Variants in DCDC2C observed in about 807,000 individuals in gnomAD.
DCDC2C encodes the protein doublecortin domain containing 2C, also known as doublecortin domain-containing protein 2C.
A neutral mutation model predicts 45.0 loss-of-function variants in DCDC2C; 44 were observed. That is an observed-to-expected ratio of 0.98 (90% confidence interval 0.77 to 1.26). DCDC2C has a LOEUF of 1.26. Among genes scored for constraint, DCDC2C ranks in the 50% most tolerant of loss-of-function variants. The pLI is 0.00. For synonymous variants in DCDC2C, 187 were observed against 178.8 expected (o/e 1.05, Z -0.37); for missense variants, 447 against 468.9 (o/e 0.95, Z 0.43).
chr2:3,752,976 G>GCTGAACTGGACCTATTTGGGA, intron 5 of DCDC2C, 76 bp downstream of exon 5: 1 of 1,430,430 alleles, frequency 7.0e-7, no homozygotes, highest in Non-Finnish European at 9.4e-7. Context: ...CTCCCAAATA[G>GCTGAACTGGACCTATTTGGGA]GTCCAGTTCA....
At chr2:3,790,927 C>T (rs1462755006) in intron 10 of DCDC2C, among the ~76,000 whole-genome samples, 4 of 151,842 alleles carry the variant, frequency 2.6e-5, no homozygotes, top group South Asian at 2.1e-4. Context: ...GCTAACATGG[C>T]GAAACCCCGT....
intron 10 of DCDC2C, among the ~76,000 whole-genome samples, chr2:3,822,474 A>G (rs1671715631): frequency 1.3e-5 from 2 of 151,814 alleles, no homozygotes; most frequent in Non-Finnish European, 2.9e-5. Flanking sequence ...TTCCCTGTAC[A>G]TTTCTGATTT....
rs1667937738 is a variant in DCDC2C, at chr2:3,703,740, C to A, written c.-12C>A. 1 of 1,229,774 alleles carries A rather than the reference C, an allele frequency of 8.1e-7. No homozygotes were observed. The highest frequency in any genetic ancestry group is 1.0e-6 in the Non-Finnish European group (1 of 986,216). 76.2% of individuals were successfully genotyped at this position (1,229,774 alleles called of 1,614,324 possible). On this transcript the variant is annotated 5_prime_UTR_variant, in exon 1 of 11. Transcript: ENST00000399143. This position sits in a 1 kb window ranked among gnomAD's most constrained non-coding sequence, Gnocchi z 4.4. ...CCTCTCGGCCCCGGCGAGCGAGGAG[C>A]GGGGCGCGGCTATGGGAACCCGCGG...
At chr2:3,791,901 A>G (rs1164818008) in intron 10 of DCDC2C, among the ~76,000 whole-genome samples, 1 of 152,234 alleles carries the variant, frequency 6.6e-6, no homozygotes, top group East Asian at 1.9e-4. Context: ...TTTGACCTTG[A>G]CAGTGAAAAG....
At chr2:3,828,195 G>A (rs538850462) in intron 10 of DCDC2C, among the ~76,000 whole-genome samples, 33 of 152,232 alleles carry the variant, frequency 2.2e-4, no homozygotes, top group Admixed American at 1.8e-3. Context: ...TTATTTTCAC[G>A]GTAACAACCT....
chr2:3,738,584 T>C (rs1190193949), intron 3 of DCDC2C, among the ~76,000 whole-genome samples: 5 of 134,940 alleles, frequency 3.7e-5, no homozygotes, highest in African/African-American at 1.4e-4. Context: ...TCCCAGCTTA[T>C]ATCACTAGTT....
At position 3,813,131 on chromosome 2, in the gene DCDC2C, G is replaced by T. The variant is rs1420585943; in HGVS notation, c.1065+28031G>T. On this transcript the variant is annotated intron_variant, in intron 10 of 10. Transcript: ENST00000399143. ...CTGTCTCCCAGGCTGGAGTGCAGTG[G>T]CATGATCTCAGCTCACTGCAACCTC... is the stretch of plus-strand genomic sequence containing the variant. Among the ~76,000 whole-genome samples, 7 of 149,572 alleles carry T rather than the reference G, an allele frequency of 4.7e-5. 1 individual carries two copies. Among genetic ancestry groups the T allele is most frequent in the Admixed American group, 6.7e-5 (1 of 14,820 alleles).
intron 10 of DCDC2C, among the ~76,000 whole-genome samples, chr2:3,807,631 A>G (rs1671285844): frequency 6.6e-6 from 1 of 151,702 alleles, no homozygotes; most frequent in Non-Finnish European, 1.5e-5. Flanking sequence ...GTCCAGTTCC[A>G]GGAGTTTTGG....
chr2:3,793,156 G>A (rs191313506), intron 10 of DCDC2C, among the ~76,000 whole-genome samples: 1 of 152,198 alleles, frequency 6.6e-6, no homozygotes, highest in Admixed American at 6.5e-5. Flanking sequence ...CGCATTTGCT[G>A]TTTGTAAATA....
intron 10 of DCDC2C, among the ~76,000 whole-genome samples, chr2:3,816,382 C>A (rs1671559444): frequency 6.6e-6 from 1 of 152,096 alleles, no homozygotes; most frequent in South Asian, 2.1e-4. Flanking sequence ...TTGTCATACA[C>A]CAGGCCAGAT....
intron 10 of DCDC2C, among the ~76,000 whole-genome samples, chr2:3,827,526 G>A (rs1303911484): frequency 1.3e-5 from 2 of 152,066 alleles, no homozygotes; most frequent in East Asian, 1.9e-4. Flanking sequence ...TGCTAATTGG[G>A]GTTTCAGCTT....
chr2:3,767,942 ATT>A (rs11404437), intron 7 of DCDC2C, 62 bp downstream of exon 7: 28 of 1,125,452 alleles, frequency 2.5e-5, no homozygotes, highest in African/African-American at 1.8e-4. Context: ...AGAACATGGG[ATT>A]TTTTTTTTTT....
At chr2:3,808,735 A>G (rs1190320417) in intron 10 of DCDC2C, among the ~76,000 whole-genome samples, 1 of 152,214 alleles carries the variant, frequency 6.6e-6, no homozygotes, top group Non-Finnish European at 1.5e-5. Context: ...TTGTATTTGA[A>G]GAGCAGAAGC....
chr2:3,797,239 G>A (rs1235244230), intron 10 of DCDC2C, among the ~76,000 whole-genome samples: 12 of 152,094 alleles, frequency 7.9e-5, no homozygotes, highest in South Asian at 2.1e-4. Flanking sequence ...TTTTTATTGC[G>A]TCTATTTGAT....
chr2:3,732,432 T>C (rs980164283), intron 3 of DCDC2C, among the ~76,000 whole-genome samples: 1 of 151,908 alleles, frequency 6.6e-6, no homozygotes, highest in African/African-American at 2.4e-5. Flanking sequence ...ATATATGATA[T>C]AATATATATA....
intron 10 of DCDC2C, among the ~76,000 whole-genome samples, chr2:3,807,159 A>T: frequency 6.6e-6 from 1 of 151,904 alleles, no homozygotes; most frequent in East Asian, 1.9e-4. Flanking sequence ...GTATACAAAT[A>T]TGTAATTGTG....
chr2:3,752,977 G>T, intron 5 of DCDC2C, 77 bp downstream of exon 5: 1 of 1,412,682 alleles, frequency 7.1e-7, no homozygotes, highest in Non-Finnish European at 9.6e-7. Context: ...TCCCAAATAG[G>T]TCCAGTTCAG....
intron 7 of DCDC2C, chr2:3,769,026 C>T (rs1178260369): frequency 6.0e-6 from 2 of 332,118 alleles, no homozygotes; most frequent in Non-Finnish European, 5.7e-6. Flanking sequence ...CCATGGTGGG[C>T]ACAGCAATTG....
chr2:3,815,118 A>G (rs929986371), intron 10 of DCDC2C, among the ~76,000 whole-genome samples: 5 of 152,258 alleles, frequency 3.3e-5, no homozygotes, highest in African/African-American at 9.6e-5. Context: ...TGTTAAGAGT[A>G]CATGCATCTG....
Sources: gnomAD v4.1 joint callset for allele counts (sites outside exome capture counted in the v4.1 genomes callset) on GRCh38, gnomAD v4.1.1 for gene constraint, Gnocchi (gnomAD v3.1) non-coding constraint, MANE v1.5 for transcripts, NCBI Gene and HGNC (gene_info 2026-07-23, HGNC 2026-07-21) for gene names.